Variants in ALMS1 observed in about 807,000 individuals in gnomAD.
ALMS1 encodes the protein ALMS1 centrosome and basal body associated protein, also known as centrosome-associated protein ALMS1.
A neutral mutation model predicts 352.2 loss-of-function variants in ALMS1; 271 were observed. The observed-to-expected ratio is 0.77, with a 90% CI of 0.70 to 0.85. ALMS1 has a LOEUF of 0.85. Ranked by LOEUF, ALMS1 falls within the 40% of genes least tolerant of loss-of-function variation. The pLI, the probability that ALMS1 is intolerant of heterozygous loss-of-function variation, is 0.00. For missense variants in ALMS1, 5,445 were observed against 4,870.7 expected (o/e 1.12, Z -3.51); for synonymous variants, 1,865 against 1,761.2 (o/e 1.06, Z -1.48).
At chr2:73,486,100 T>G (rs368908547) in intron 9 of ALMS1, among the ~76,000 whole-genome samples, 10 of 152,042 alleles carry the variant, frequency 6.6e-5, no homozygotes, top group East Asian at 5.8e-4. Context: ...CTCCTGTCCC[T>G]CTTTTGCCCA....
chr2:73,529,856 A>G (rs992367379), intron 11 of ALMS1, among the ~76,000 whole-genome samples: 3 of 152,198 alleles, frequency 2.0e-5, no homozygotes, highest in Admixed American at 6.5e-5. Context: ...CACGTCTTAC[A>G]TGGGGGCAGG....
At position 73,396,303 on chromosome 2, in the gene ALMS1, TACAC is replaced by T. The variant is rs757567739; in HGVS notation, c.324+10144_324+10147del. On this transcript the variant is annotated intron_variant, in intron 1 of 22. Coordinates refer to ENST00000613296, the MANE Select transcript of ALMS1 (RefSeq NM_001378454.1). ...TTTTATGTGTTGCCTGTCATAGAAA[TACAC>T]ACACACACACACACACACACACACA... Among the ~76,000 whole-genome samples the T allele has an allele frequency of 9.4e-3, 1,359 of 144,080 alleles. 7 individuals are homozygous for T. The highest frequency in any genetic ancestry group is 0.02 in the South Asian group (92 of 4,492). 94.5% of individuals were successfully genotyped at this position (144,080 alleles called of 152,430 possible). A position where few individuals can be genotyped will look rare whatever the true frequency, so the allele number is the denominator to read the frequency against.
rs150174924 is a variant in ALMS1 at position 73,416,302 on chromosome 2, A to G, written c.451-2821A>G. 5.8e-4 allele frequency among the ~76,000 whole-genome samples: 88 copies of G among 152,306 alleles called. 1 individual carries two copies. Among genetic ancestry groups the G allele is most frequent in the African/African-American group, 2.0e-3 (84 of 41,574 alleles). On this transcript the variant is annotated intron_variant, in intron 2 of 22. Transcript: ENST00000613296. ...GGTGAAAAGCATGTTTCCAGTAGCA[A>G]TTTGATGTTATAGATCTGATTAATT...
intron 12 of ALMS1, among the ~76,000 whole-genome samples, chr2:73,544,119 A>G (rs1674258779): frequency 6.6e-6 from 1 of 152,248 alleles, no homozygotes; most frequent in Non-Finnish European, 1.5e-5. Flanking sequence ...ACCAACCCAA[A>G]TGTCCAAGAA....
intron 15 of ALMS1, among the ~76,000 whole-genome samples, chr2:73,568,451 G>T (rs1445057415): frequency 6.6e-6 from 1 of 152,166 alleles, no homozygotes; most frequent in African/African-American, 2.4e-5. Context: ...ACTGCAGCAT[G>T]CTTTGGAAGA....
At position 73,448,245 on chromosome 2, in the gene ALMS1, G is replaced by A. The variant is rs1335942812; in HGVS notation, c.1718G>A (p.Ser573Asn). 1.2e-6 allele frequency: 2 copies of A among 1,613,712 alleles called. No individual in the cohort carries two copies. Among genetic ancestry groups the A allele is most frequent in the Non-Finnish European group, 1.7e-6 (2 of 1,179,870 alleles). Residue 573 changes from serine to asparagine, a missense_variant, in exon 8 of 23, where the codon AGT becomes AAT. Physicochemically the swap from Ser to Asn is conservative, Grantham distance 46. Transcript: ENST00000613296. Reference protein sequence around the residue: ...QKTATPTVLSSSHSHRGKPSI... With the variant: ...QKTATPTVLSNSHSHRGKPSI... ...ACTGCAACACCAACAGTACTCTCTA[G>A]TTCCCACTCACATAGGGGGAAGCCC...
chr2:73,416,060 G>A (rs895668812), intron 2 of ALMS1, among the ~76,000 whole-genome samples: 11 of 152,140 alleles, frequency 7.2e-5, no homozygotes, highest in African/African-American at 2.7e-4. Context: ...TTAGAGAGGA[G>A]TGAACTATGG....
At chr2:73,600,634 G>T in intron 17 of ALMS1, 44 bp from the exon 18 acceptor site, 1 of 1,555,588 alleles carries the variant, frequency 6.4e-7, no homozygotes, top group Non-Finnish European at 8.7e-7. Flanking sequence ...TGTCAACTCA[G>T]CCTCAAGGTT....
chr2:73,443,123 A>G lies in ALMS1; in HGVS notation c.1433-4837A>G, dbSNP rs577155769. The stretch of plus-strand genomic sequence containing the variant: ...ATCATCTTCTCTGCCACTTATTTTC[A>G]GTATTAAGCCAAAATAGTCTGTTTA... On this transcript the variant is annotated intron_variant, in intron 7 of 22. Coordinates refer to ENST00000613296, the MANE Select transcript of ALMS1 (RefSeq NM_001378454.1). Among the ~76,000 whole-genome samples the G allele has an allele frequency of 7.9e-5, 12 of 152,266 alleles. No individual in the cohort carries two copies. In the East Asian group the frequency reaches 2.1e-3, roughly 27 times the overall value.
In ALMS1 at chr2:73,489,714, A is replaced by T; in HGVS notation, c.7755A>T (p.Gly2585=). 1 of 1,614,130 alleles carries T rather than the reference A, an allele frequency of 6.2e-7. No homozygotes were observed. The highest frequency in any genetic ancestry group is 1.7e-5 in the Admixed American group (1 of 60,022). The change falls in exon 10 of 23, where the codon GGA becomes GGT. Residue 2585 remains glycine, a synonymous_variant. Coordinates refer to ENST00000613296, the MANE Select transcript of ALMS1 (RefSeq NM_001378454.1). ...TTATTATTGAGAGCCATGAAAAGGG[A>T]TGTTTCCGGACTCTAACTTCTGAAC... ...SHIIIESHEK[G]CFRTLTSEHP... is the part of the protein sequence containing the mutation.
At chr2:73,596,384 T>G (rs889348147) in intron 16 of ALMS1, among the ~76,000 whole-genome samples, 1 of 152,184 alleles carries the variant, frequency 6.6e-6, no homozygotes, top group Non-Finnish European at 1.5e-5. Flanking sequence ...AATTAGTTGC[T>G]TTGGCCCTTT....
chr2:73,513,713 A>G (rs1261833837), intron 10 of ALMS1, among the ~76,000 whole-genome samples: 4 of 151,968 alleles, frequency 2.6e-5, no homozygotes, highest in African/African-American at 4.8e-5. Flanking sequence ...CTTGGGCTCT[A>G]ACTCCACATG....
intron 11 of ALMS1, 50 bp downstream of exon 11, chr2:73,520,066 A>G: frequency 1.2e-6 from 2 of 1,611,168 alleles, no homozygotes; most frequent in Non-Finnish European, 1.7e-6. Flanking sequence ...TCTTTTGTGT[A>G]GTTATCTTAG....
chr2:73,432,360 C>A, intron 7 of ALMS1, 69 bp downstream of exon 7: 2 of 1,124,162 alleles, frequency 1.8e-6, no homozygotes, highest in Non-Finnish European at 2.7e-6. Flanking sequence ...CTTGTTAGGT[C>A]TATCTAATTT....
At chr2:73,420,218 G>A (rs1476389618) in intron 3 of ALMS1, among the ~76,000 whole-genome samples, 2 of 152,118 alleles carry the variant, frequency 1.3e-5, no homozygotes, top group African/African-American at 2.4e-5. Context: ...CTATGTGTTT[G>A]ATGCTAGGGG....
chr2:73,601,484 G>A, intron 19 of ALMS1, 48 bp downstream of exon 19: 1 of 1,600,402 alleles, frequency 6.2e-7, no homozygotes, highest in Non-Finnish European at 8.5e-7. Context: ...GGGAGAAGAA[G>A]GGCAAGGCGC....
At chr2:73,559,193 G>T (rs745513575) in intron 15 of ALMS1, 51 bp downstream of exon 15, 1 of 1,581,686 alleles carries the variant, frequency 6.3e-7, no homozygotes, top group South Asian at 1.1e-5. Context: ...GTGTATGTGA[G>T]GGTCAGTGTT....
At chr2:73,513,213 A>G (rs1317617234) in intron 10 of ALMS1, among the ~76,000 whole-genome samples, 2 of 151,876 alleles carry the variant, frequency 1.3e-5, no homozygotes, top group Non-Finnish European at 2.9e-5. Flanking sequence ...TTGGCATTCC[A>G]TGCTAGACCA....
At chr2:73,523,038 A>G (rs1438801017) in intron 11 of ALMS1, among the ~76,000 whole-genome samples, 1 of 152,176 alleles carries the variant, frequency 6.6e-6, no homozygotes, top group Non-Finnish European at 1.5e-5. Flanking sequence ...TCTTCCATCT[A>G]ACAACACTCA....
Sources: allele counts gnomAD v4.1 joint callset (sites outside exome capture counted in the v4.1 genomes callset), GRCh38; gene constraint gnomAD v4.1.1; transcripts MANE v1.5; gene names NCBI Gene and HGNC (gene_info 2026-07-23, HGNC 2026-07-21).